Variants in STIM1 observed in about 807,000 individuals in gnomAD.
The protein encoded by STIM1 is stromal interaction molecule 1.
In STIM1, 25 loss-of-function variants were observed where a neutral mutation model predicts 74.7. The observed-to-expected ratio is 0.33, with a 90% CI of 0.24 to 0.47. STIM1 has a LOEUF of 0.47. Ranked by LOEUF, STIM1 falls within the 20% of genes least tolerant of loss-of-function variation. The pLI, the probability that STIM1 is intolerant of heterozygous loss-of-function variation, is 1.00. For synonymous variants in STIM1, 328 were observed against 348.8 expected (o/e 0.94, Z 0.66); for missense variants, 728 against 920.8 (o/e 0.79, Z 2.71).
intron 2 of STIM1, among the ~76,000 whole-genome samples, chr11:4,018,645 C>CAAAAA (rs576391881): frequency 3.6e-5 from 2 of 55,294 alleles, no homozygotes; most frequent in African/African-American, 1.1e-4. Context: ...AACTCTGTCT[C>CAAAAA]AAAAAAAAAA....
At chr11:3,863,710 A>G (rs1036116680) in intron 1 of STIM1, among the ~76,000 whole-genome samples, 1 of 152,110 alleles carries the variant, frequency 6.6e-6, no homozygotes. Context: ...TTCGTGTACC[A>G]TAGGCTACCT....
intron 5 of STIM1, among the ~76,000 whole-genome samples, chr11:4,063,467 G>A (rs530763325): frequency 6.6e-6 from 1 of 152,084 alleles, no homozygotes; most frequent in Non-Finnish European, 1.5e-5. Context: ...GAATTTTTAA[G>A]CAATAAGTTA....
chr11:3,870,504 G>A (rs1252136892), intron 1 of STIM1, among the ~76,000 whole-genome samples: 1 of 151,450 alleles, frequency 6.6e-6, no homozygotes, highest in Non-Finnish European at 1.5e-5. Context: ...ACTTTTTTTT[G>A]GTTTTGTTCT....
At chr11:4,046,846 G>T (rs146165115) in intron 3 of STIM1, among the ~76,000 whole-genome samples, 1 of 152,038 alleles carries the variant, frequency 6.6e-6, no homozygotes, top group Non-Finnish European at 1.5e-5. Context: ...TAGAGTTGGA[G>T]TCTGCTGTGT....
intron 3 of STIM1, among the ~76,000 whole-genome samples, chr11:4,053,855 G>A (rs991245234): frequency 6.6e-5 from 10 of 152,044 alleles, no homozygotes; most frequent in South Asian, 2.1e-4. Flanking sequence ...GCAATCTCCC[G>A]CCTTAGCCTC....
At chr11:3,895,943 T>C (rs1353118815) in intron 1 of STIM1, among the ~76,000 whole-genome samples, 9 of 148,454 alleles carry the variant, frequency 6.1e-5, no homozygotes, top group Non-Finnish European at 1.2e-4. Context: ...CTTGCTCTGT[T>C]GCCCAGGCTG....
chr11:4,085,242 G>C (rs937104720), intron 11 of STIM1, among the ~76,000 whole-genome samples: 1 of 151,804 alleles, frequency 6.6e-6, no homozygotes, highest in Non-Finnish European at 1.5e-5. Flanking sequence ...CATCACTATG[G>C]AATTATGCTG....
At chr11:3,871,142 C>T (rs1056137083) in intron 1 of STIM1, among the ~76,000 whole-genome samples, 11 of 152,218 alleles carry the variant, frequency 7.2e-5, no homozygotes, top group Middle Eastern at 3.4e-3. Context: ...GTTGGGATTA[C>T]AGGCGTGAGC....
chr11:4,084,642 C>T, intron 10 of STIM1, 31 bp from the exon 11 acceptor site: 1 of 1,288,006 alleles, frequency 7.8e-7, no homozygotes, highest in Non-Finnish European at 1.0e-6. Flanking sequence ...ATCAGATTCT[C>T]TTCTCCTTTT....
At position 4,083,418 on chromosome 11, in the gene STIM1, G is replaced by T; in HGVS notation, c.1394G>T (p.Arg465Leu). The stretch of plus-strand genomic sequence containing the variant: ...GACCCCAGCTGGATGGGCAGTACAC[G>T]CCCCAACCCTGCTCACTTCATCATG... ...NIDPSWMGST[R>L]PNPAHFIMTD... is the part of the protein sequence containing the mutation. The change falls in exon 10 of 13, where the codon CGC (arginine) becomes CTC (leucine). Residue 465 changes from arginine to leucine, a missense_variant. Coordinates refer to ENST00000526596, the MANE Select transcript of STIM1 (RefSeq NM_001382567.1). The T allele has an allele frequency of 6.2e-7, 1 of 1,614,210 alleles. No individual in the cohort carries two copies. The highest frequency in any genetic ancestry group is 8.5e-7 in the Non-Finnish European group (1 of 1,180,038).
At chr11:4,051,220 T>G (rs1007263292) in intron 3 of STIM1, among the ~76,000 whole-genome samples, 3 of 152,194 alleles carry the variant, frequency 2.0e-5, no homozygotes, top group Admixed American at 1.3e-4. Flanking sequence ...AAATGCAACA[T>G]GAGCACTGAA....
chr11:3,911,492 C>T (rs1475342250), intron 1 of STIM1, among the ~76,000 whole-genome samples: 1 of 152,106 alleles, frequency 6.6e-6, no homozygotes, highest in Non-Finnish European at 1.5e-5. Context: ...TCAAGTGATC[C>T]TCCCACCTAA....
intron 3 of STIM1, among the ~76,000 whole-genome samples, chr11:4,042,001 G>A (rs1198256940): frequency 1.3e-5 from 2 of 152,210 alleles, no homozygotes; most frequent in African/African-American, 4.8e-5. Flanking sequence ...CAACCTTCCT[G>A]CCAGACCTCA....
intron 3 of STIM1, among the ~76,000 whole-genome samples, chr11:4,025,656 C>G (rs1018437040): frequency 6.6e-6 from 1 of 152,132 alleles, no homozygotes; most frequent in East Asian, 1.9e-4. Context: ...GCATTCTGGC[C>G]TTTTCTGAAA....
At chr11:3,900,714 G>A (rs776887863) in intron 1 of STIM1, among the ~76,000 whole-genome samples, 18 of 152,236 alleles carry the variant, frequency 1.2e-4, no homozygotes, top group Non-Finnish European at 2.2e-4. Context: ...CAAGTATCTG[G>A]GACTACAGGC....
At chr11:3,914,309 C>T (rs1225375404) in intron 1 of STIM1, among the ~76,000 whole-genome samples, 1 of 151,448 alleles carries the variant, frequency 6.6e-6, no homozygotes, top group Non-Finnish European at 1.5e-5. Flanking sequence ...CAGAAAACTT[C>T]ATTTTTTTTT....
intron 2 of STIM1, among the ~76,000 whole-genome samples, chr11:4,021,851 AT>A (rs1170956071): frequency 6.6e-6 from 1 of 152,156 alleles, no homozygotes; most frequent in South Asian, 2.1e-4. Flanking sequence ...GTCTTCTTCA[AT>A]TTAGTTCATC....
intron 1 of STIM1, among the ~76,000 whole-genome samples, chr11:3,916,112 A>C (rs1383288613): frequency 6.6e-6 from 1 of 152,122 alleles, no homozygotes; most frequent in African/African-American, 2.4e-5. Flanking sequence ...TTCAAAGCCA[A>C]GGTTATGAAG....
chr11:3,995,205 T>C lies in STIM1; in HGVS notation c.270+27523T>C, dbSNP rs114470947. Among the ~76,000 whole-genome samples the C allele has an allele frequency of 3.4e-3, 521 of 152,310 alleles. 2 individuals are homozygous for C. Among genetic ancestry groups the C allele is most frequent in the African/African-American group, 0.012 (484 of 41,558 alleles). On this transcript the variant is annotated intron_variant, in intron 2 of 12. Transcript: ENST00000526596. ...TGTTGCCTACTTTTTTTCTGGTATA[T>C]GGGTCACACTTTCGTGTTTCTTTGT...
Sources: allele counts gnomAD v4.1 joint callset (sites outside exome capture counted in the v4.1 genomes callset), GRCh38; gene constraint gnomAD v4.1.1; transcripts MANE v1.5; gene names NCBI Gene and HGNC (gene_info 2026-07-23, HGNC 2026-07-21).